NCOR2: variants seen among roughly 807,000 people sequenced by gnomAD.
NCOR2 encodes the protein CTG repeat protein 26.
A neutral mutation model predicts 262.9 loss-of-function variants in NCOR2; 81 were observed. That is an observed-to-expected ratio of 0.31 (90% CI 0.26 to 0.37). The LOEUF (loss-of-function observed/expected upper bound fraction) is 0.37, where lower values mean the gene tolerates loss of function less well. NCOR2 is among the 10% of genes least tolerant of loss of function. The probability of loss-of-function intolerance (pLI) is 1.00; values close to 1 mark genes in which losing one functional copy is unlikely to be tolerated. For missense variants in NCOR2, 3,385 were observed against 3,621.4 expected (o/e 0.93, Z 1.68); for synonymous variants, 1,659 against 1,559.3 (o/e 1.06, Z -1.51).
intron 4 of NCOR2, among the ~76,000 whole-genome samples, chr12:124,469,037 C>T (rs1489810807): frequency 2.7e-5 from 4 of 149,544 alleles, no homozygotes; most frequent in Non-Finnish European, 4.4e-5. Flanking sequence ...TATGAACCCC[C>T]TCCTCCTAAC....
At chr12:124,476,099 C>T (rs12427067) in intron 3 of NCOR2, among the ~76,000 whole-genome samples, 3,325 of 152,344 alleles carry the variant, frequency 0.022, 59 homozygotes, top group Middle Eastern at 0.051. Flanking sequence ...AACAGGAAGG[C>T]AGGCAGGGGG....
At chr12:124,441,635 C>G (rs368412046) in intron 7 of NCOR2, among the ~76,000 whole-genome samples, 9 of 152,188 alleles carry the variant, frequency 5.9e-5, no homozygotes, top group Non-Finnish European at 1.2e-4. Context: ...AGAATCTCCC[C>G]GCAAGTATGT....
chr12:124,354,883 G>C, exon 25 of NCOR2: 2 of 1,612,426 alleles, frequency 1.2e-6, no homozygotes, highest in Non-Finnish European at 1.7e-6. Flanking sequence ...TGGTGACAGG[G>C]CCCACCGGGG....
At chr12:124,404,742 G>A (rs551642059) in intron 13 of NCOR2, among the ~76,000 whole-genome samples, 3 of 152,186 alleles carry the variant, frequency 2.0e-5, no homozygotes, top group Non-Finnish European at 4.4e-5. Flanking sequence ...ACAGATCCCC[G>A]AGAGCTGACT....
At chr12:124,334,198 G>T in intron 41 of NCOR2, 1 of 473,054 alleles carries the variant, frequency 2.1e-6, no homozygotes. Context: ...AAGGGTACAC[G>T]TGAGTGCCTG....
exon 38 of NCOR2, chr12:124,336,955 G>A: frequency 2.0e-6 from 3 of 1,534,398 alleles, no homozygotes; most frequent in Non-Finnish European, 2.6e-6. Context: ...CCTTGCTGGG[G>A]GAGGAGGCGG....
chr12:124,358,014 G>A (rs1324702754), intron 22 of NCOR2, among the ~76,000 whole-genome samples: 12 of 150,922 alleles, frequency 8.0e-5, no homozygotes, highest in Admixed American at 6.6e-4. Context: ...GTGTGCACAC[G>A]TGCGTGCATG....
chr12:124,335,358 T>G, intron 39 of NCOR2, 78 bp from the exon 42 acceptor site: 1 of 1,501,538 alleles, frequency 6.7e-7, no homozygotes, highest in Non-Finnish European at 8.9e-7. Context: ...CCCCATGCCT[T>G]TGAGCCTCAT....
intron 3 of NCOR2, among the ~76,000 whole-genome samples, chr12:124,474,421 T>TC (rs1481651851): frequency 1.3e-5 from 2 of 151,064 alleles, no homozygotes; most frequent in Non-Finnish European, 3.0e-5. Flanking sequence ...TACAGCTGTT[T>TC]TGAAAATGTG....
intron 16 of NCOR2, 72 bp from the exon 19 acceptor site, chr12:124,385,959 G>A (rs2040771414): frequency 6.5e-7 from 1 of 1,545,106 alleles, no homozygotes; most frequent in Non-Finnish European, 8.7e-7. Context: ...TCCATGGCCT[G>A]GGCGGCAAAC....
Position 124,402,289 on chromosome 12 carries a change from G to A in NCOR2, c.1640+115C>T. 3 of 1,543,744 alleles carry A rather than the reference G, an allele frequency of 1.9e-6. 1 individual carries two copies. The Admixed American group carries it at 5.4e-5, about 28-fold the overall frequency. ...AAACGAGCAGAAAGCCCTCCCCCCTGCTCACAGGCAATTGGTGGGCACCCC... is the reference window on the plus strand; with the variant it reads ...AAACGAGCAGAAAGCCCTCCCCCCTACTCACAGGCAATTGGTGGGCACCCC... On this transcript the variant is annotated intron_variant, in intron 14 of 46. Coordinates refer to ENST00000405201, the Ensembl canonical transcript of NCOR2.
In NCOR2 at chr12:124,487,041, C is replaced by G. The variant is rs570858775; in HGVS notation, c.106-473G>C. On this transcript the variant is annotated intron_variant, in intron 1 of 46. Transcript: ENST00000405201. ...CTGCCAGGCTGTGGGTCCCTCCAGC[C>G]TGAGGAGCTGAAGCTTGGAAATGCA... Among the ~76,000 whole-genome samples the G allele has an allele frequency of 2.6e-5, 4 of 152,342 alleles. No homozygotes were observed. The South Asian group carries it at 8.3e-4, about 32-fold the overall frequency.
At chr12:124,414,173 C>T (rs1005328827) in intron 13 of NCOR2, among the ~76,000 whole-genome samples, 15 of 152,180 alleles carry the variant, frequency 9.9e-5, no homozygotes, top group Admixed American at 7.8e-4. Flanking sequence ...GCCGAGGGGA[C>T]GGCTGGGCCT....
chr12:124,494,388 C>CA (rs1303866804), intron 1 of NCOR2, among the ~76,000 whole-genome samples: 1 of 152,228 alleles, frequency 6.6e-6, no homozygotes, highest in Non-Finnish European at 1.5e-5. Context: ...ACATGGTATA[C>CA]AGCAAGCACC....
intron 4 of NCOR2, 80 bp from the exon 7 acceptor site, chr12:124,466,366 C>G: frequency 1.5e-6 from 2 of 1,344,960 alleles, no homozygotes; most frequent in South Asian, 1.2e-5. Flanking sequence ...CGCGGGGAGG[C>G]CCCCTTGCAG....
intron 13 of NCOR2, among the ~76,000 whole-genome samples, chr12:124,418,875 G>C (rs1480262754): frequency 3.3e-5 from 5 of 152,202 alleles, no homozygotes; most frequent in African/African-American, 1.2e-4. Context: ...AGTGCTTCCA[G>C]AATCCACCCC....
chr12:124,485,283 G>A (rs954941683), intron 2 of NCOR2, among the ~76,000 whole-genome samples: 1 of 152,170 alleles, frequency 6.6e-6, no homozygotes, highest in Non-Finnish European at 1.5e-5. Flanking sequence ...ATTAAGCTAA[G>A]ATGAGGCCAT....
At chr12:124,414,011 CCAG>C (rs1278588973) in intron 13 of NCOR2, among the ~76,000 whole-genome samples, 4 of 150,354 alleles carry the variant, frequency 2.7e-5, no homozygotes, top group Non-Finnish European at 5.9e-5. Flanking sequence ...GTCCCCGCAT[CCAG>C]CATCCGACTC....
chr12:124,344,095 CACGCAA>C (rs2036705067), intron 32 of NCOR2, among the ~76,000 whole-genome samples: 1 of 152,128 alleles, frequency 6.6e-6, no homozygotes, highest in Non-Finnish European at 1.5e-5. Context: ...GAGGAGGAGC[CACGCAA>C]AGGCCCCCAG....
Sources: allele counts gnomAD v4.1 joint callset (sites outside exome capture counted in the v4.1 genomes callset), GRCh38; gene constraint gnomAD v4.1.1; transcripts MANE v1.5; gene names NCBI Gene and HGNC (gene_info 2026-07-23, HGNC 2026-07-21).